Variants in BICD1 observed in about 807,000 individuals in gnomAD.
BICD1 encodes the protein protein bicaudal D homolog 1.
A neutral mutation model predicts 92.5 loss-of-function variants in BICD1; 35 were observed. That is an observed-to-expected ratio of 0.38 (90% CI 0.29 to 0.50). The LOEUF (loss-of-function observed/expected upper bound fraction) is 0.50, where lower values mean the gene tolerates loss of function less well. Ranked by LOEUF, BICD1 falls within the 20% of genes least tolerant of loss-of-function variation. BICD1 has a pLI of 0.93. For missense variants in BICD1, 950 were observed against 1,189.8 expected, an observed-to-expected ratio of 0.80 and a Z score of 2.97; for synonymous variants, 429 against 465.1, an observed-to-expected ratio of 0.92 and a Z score of 1.00.
rs1049404007 is a variant in BICD1 at position 32,106,892 on chromosome 12, CGA to C, written c.-434_-433del. Reference sequence around the variant, plus strand: ...GCAGGGCCAGAGGGAGCAGGTGGAGCGAGAGAGCGAGCCGCGAGCCGGAGCGC... The same window carrying C: ...GCAGGGCCAGAGGGAGCAGGTGGAGCGAGAGCGAGCCGCGAGCCGGAGCGC... On this transcript the variant is annotated 5_prime_UTR_variant, in exon 1 of 10. Coordinates refer to ENST00000652176, the MANE Select transcript of BICD1 (RefSeq NM_001714.4). The C allele has an allele frequency of 1.3e-4, 22 of 175,750 alleles. No individual in the cohort carries two copies. Among genetic ancestry groups the C allele is most frequent in the Non-Finnish European group, 2.5e-4 (21 of 84,326 alleles). 10.9% of individuals were successfully genotyped at this position (175,750 alleles called of 1,614,324 possible).
rs977346973 is a variant in BICD1, at chr12:32,337,257, TAAAC to T, written c.2253-238_2253-235del. Among the ~76,000 whole-genome samples the T allele has an allele frequency of 3.9e-4, 59 of 152,020 alleles. No homozygotes were observed. Among genetic ancestry groups the T allele is most frequent in the African/African-American group, 1.3e-3 (53 of 41,476 alleles). On this transcript the variant is annotated intron_variant, in intron 6 of 9. Coordinates refer to ENST00000652176, the MANE Select transcript of BICD1 (RefSeq NM_001714.4). The surrounding 1 kb of genome is among the most constrained non-coding windows in gnomAD (Gnocchi z 4.7). ...GCGAGACTCAGTCTCAAAAAACAAA[TAAAC>T]AAAACAACAACAACAAAATAATAAT...
intron 4 of BICD1, among the ~76,000 whole-genome samples, chr12:32,317,533 C>A (rs570687765): frequency 6.6e-6 from 1 of 151,948 alleles, no homozygotes; most frequent in East Asian, 1.9e-4. Context: ...TCATATCCTG[C>A]ACCCACTTTT....
chr12:32,347,719 T>A (rs542057989), intron 8 of BICD1, among the ~76,000 whole-genome samples: 1 of 152,236 alleles, frequency 6.6e-6, no homozygotes, highest in African/African-American at 2.4e-5. Flanking sequence ...CTTGTCAATA[T>A]AAAAACTTAA....
intron 8 of BICD1, among the ~76,000 whole-genome samples, chr12:32,348,731 T>A (rs1477379331): frequency 0.012 from 20 of 1,726 alleles, no homozygotes; most frequent in South Asian, 0.018. Flanking sequence ...AAAATATATA[T>A]ATATATATAT....
At chr12:32,346,162 A>G (rs946912542) in intron 8 of BICD1, among the ~76,000 whole-genome samples, 1 of 133,890 alleles carries the variant, frequency 7.5e-6, no homozygotes, top group Non-Finnish European at 1.5e-5. Context: ...AAATAAATAA[A>G]AAGAAACAAG....
chr12:32,345,594 T>G (rs1282502682), intron 8 of BICD1, among the ~76,000 whole-genome samples: 1 of 152,222 alleles, frequency 6.6e-6, no homozygotes, highest in Non-Finnish European at 1.5e-5. Context: ...TTTTTTTCAC[T>G]TGATGTATCT....
At chr12:32,243,193 G>T (rs1946280534) in intron 2 of BICD1, among the ~76,000 whole-genome samples, 1 of 150,864 alleles carries the variant, frequency 6.6e-6, no homozygotes, top group Non-Finnish European at 1.5e-5. Flanking sequence ...CACCTCCCAG[G>T]CTCAAGAGAT....
rs1314647459 is a variant in BICD1 at position 32,328,239 on chromosome 12, C to T, written c.1784C>T (p.Thr595Ile). ...STEASKEPSP[T>I]KTPTISPVIT... ...GAGGCCAGCAAAGAACCAAGTCCAA[C>T]TAAGACCCCCACAATCTCTCCTGTT... Residue 595 changes from threonine (T) to isoleucine (I), a missense_variant, in exon 5 of 10, where the codon ACT (threonine) becomes ATT (isoleucine). Physicochemically the swap from Thr to Ile is moderately conservative, Grantham distance 89. This residue lies in a region of BICD1 where 309 missense variants were observed against 499.4 expected (regional missense o/e 0.62). Coordinates refer to ENST00000652176, the MANE Select transcript of BICD1 (RefSeq NM_001714.4). This position sits in a 1 kb window ranked among gnomAD's most constrained non-coding sequence, Gnocchi z 4.4. The T allele has an allele frequency of 6.2e-7, 1 of 1,614,214 alleles. No individual in the cohort carries two copies. Among genetic ancestry groups the T allele is most frequent in the Non-Finnish European group, 8.5e-7 (1 of 1,180,038 alleles).
chr12:32,295,082 G>GGA (rs760259449), intron 3 of BICD1, among the ~76,000 whole-genome samples: 3 of 103,468 alleles, frequency 2.9e-5, no homozygotes, highest in South Asian at 3.5e-4. Context: ...ATTCCGTCTC[G>GGA]AAAAAAAAAA....
intron 2 of BICD1, among the ~76,000 whole-genome samples, chr12:32,285,630 T>G (rs1011524389): frequency 6.6e-6 from 1 of 152,190 alleles, no homozygotes; most frequent in Admixed American, 6.5e-5. Context: ...TATGCTCAGG[T>G]GCAATGCAAA....
At chr12:32,142,035 G>A (rs1288883303) in intron 1 of BICD1, among the ~76,000 whole-genome samples, 1 of 151,966 alleles carries the variant, frequency 6.6e-6, no homozygotes, top group East Asian at 1.9e-4. Context: ...AGGAGAGAGC[G>A]GATTCTTTTC....
chr12:32,225,621 G>GTTTTTTTTTTTTTTTTTTTTTTTT lies in BICD1; in HGVS notation c.426+9182_426+9183insTTTTTTTTTTTTTTTTTTTTTTTT, dbSNP rs58895470. On this transcript the variant is annotated intron_variant, in intron 2 of 9. Transcript: ENST00000652176. ...TGGTATTTGACAGTTCTTTTTTTCT[G>GTTTTTTTTTTTTTTTTTTTTTTTT]TTTTTTTTTTTTTTTTTTTTAGACG... Among the ~76,000 whole-genome samples, 6 of 92,776 alleles carry GTTTTTTTTTTTTTTTTTTTTTTTT rather than the reference G, an allele frequency of 6.5e-5. 1 individual carries two copies. In the East Asian group the frequency reaches 1.8e-3, roughly 28 times the overall value. 60.9% of individuals were successfully genotyped at this position (92,776 alleles called of 152,430 possible).
Position 32,321,747 on chromosome 12 carries a change from C to T in BICD1, c.1006-5714C>T, listed in dbSNP as rs145638066. On this transcript the variant is annotated intron_variant, in intron 4 of 9. Coordinates refer to ENST00000652176, the MANE Select transcript of BICD1 (RefSeq NM_001714.4). ...GGCCCGGTGGCTCACGCCTGTAATCCCAGCACTTTTGGAGGCCAAGGCGGG... is the reference window on the plus strand; with the variant it reads ...GGCCCGGTGGCTCACGCCTGTAATCTCAGCACTTTTGGAGGCCAAGGCGGG... Among the ~76,000 whole-genome samples the T allele has an allele frequency of 8.2e-3, 1,245 of 152,218 alleles. 21 individuals are homozygous for T. The highest frequency in any genetic ancestry group is 0.029 in the African/African-American group (1,185 of 41,542).
At chr12:32,144,265 G>C (rs1028041304) in intron 1 of BICD1, among the ~76,000 whole-genome samples, 1 of 152,118 alleles carries the variant, frequency 6.6e-6, no homozygotes, top group Non-Finnish European at 1.5e-5. Flanking sequence ...AAATTATTGT[G>C]ACCATCTTTG....
At position 32,182,282 on chromosome 12, in the gene BICD1, T is replaced by C. The variant is rs201034579; in HGVS notation, c.214-33965T>C. Among the ~76,000 whole-genome samples the C allele has an allele frequency of 1.3e-3, 153 of 116,204 alleles. 1 individual carries two copies. The East Asian group carries it at 0.023, about 18-fold the overall frequency. The allele number at this position is 116,204 out of a possible 152,430, so 76.2% of individuals were successfully genotyped here. A position where few individuals can be genotyped will look rare whatever the true frequency, so the allele number is the denominator to read the frequency against. On this transcript the variant is annotated intron_variant, in intron 1 of 9. Transcript: ENST00000652176. ...TTTTTCTTTCTTTCTTTCTTTCTTT[T>C]TTTTTTTTTTTTTTTTTTGAGACAC...
chr12:32,125,148 C>A (rs1488145760), intron 1 of BICD1, among the ~76,000 whole-genome samples: 1 of 148,920 alleles, frequency 6.7e-6, no homozygotes, highest in Admixed American at 6.8e-5. Flanking sequence ...CCACTGTCCT[C>A]TGCGTGGTTG....
At chr12:32,148,152 A>AAAAAAAAAAAAAAG (rs1943173758) in intron 1 of BICD1, among the ~76,000 whole-genome samples, 3 of 151,074 alleles carry the variant, frequency 2.0e-5, no homozygotes, top group Admixed American at 2.0e-4. Flanking sequence ...CAAAAAAAAA[A>AAAAAAAAAAAAAAG]GAATCTGAGA....
chr12:32,107,889 A>G (rs1941547072), intron 1 of BICD1: 1 of 592,478 alleles, frequency 1.7e-6, no homozygotes, highest in East Asian at 2.9e-5. Flanking sequence ...TCTCAAACCC[A>G]GGTTTCAGCG....
Position 32,338,787 on chromosome 12 carries a change from C to A in BICD1, c.2572C>A (p.Gln858Lys). ...RVSSGTQRKRQFSPSLCDQSR... is the reference protein window; with the variant it reads ...RVSSGTQRKRKFSPSLCDQSR... ...TATTTTTCTTGGATCTCCTGCAAGACAATTTTCACCTTCCCTTTGTGATCA... is the reference window on the plus strand; with the variant it reads ...TATTTTTCTTGGATCTCCTGCAAGAAAATTTTCACCTTCCCTTTGTGATCA... Residue 858 changes from glutamine (Q) to lysine (K), a missense_variant and splice_region_variant, in exon 8 of 10, where the codon CAA (glutamine) becomes AAA (lysine). Physicochemically the swap from Gln to Lys is moderately conservative, Grantham distance 53 (BLOSUM62 1). Coordinates refer to ENST00000652176, the MANE Select transcript of BICD1 (RefSeq NM_001714.4). 2 of 1,572,220 alleles carry A rather than the reference C, an allele frequency of 1.3e-6. No individual in the cohort carries two copies. Among genetic ancestry groups the A allele is most frequent in the Non-Finnish European group, 1.7e-6 (2 of 1,165,336 alleles).
Sources: gnomAD v4.1 joint callset for allele counts (sites outside exome capture counted in the v4.1 genomes callset) on GRCh38, gnomAD v4.1.1 for gene constraint, gnomAD v4.1.1 regional missense constraint, Gnocchi (gnomAD v3.1) non-coding constraint, MANE v1.5 for transcripts, NCBI Gene and HGNC (gene_info 2026-07-23, HGNC 2026-07-21) for gene names.